The following EPB41L2 variants were observed in gnomAD, a reference collection of about 807,000 sequenced individuals.
The protein encoded by EPB41L2 is band 4.1-like protein 2.
Under a neutral mutation model 113.0 loss-of-function variants are expected in EPB41L2, and 43 were observed. The ratio of observed to expected loss-of-function variants is 0.38; its 90% CI spans 0.30 to 0.49. The LOEUF (loss-of-function observed/expected upper bound fraction) is 0.49, where lower values mean the gene tolerates loss of function less well. EPB41L2 is among the 20% of genes least tolerant of loss of function. EPB41L2 has a pLI of 0.95. For missense variants in EPB41L2, 1,147 were observed against 1,223.4 expected (o/e 0.94, Z 0.93); for synonymous variants, 442 against 436.7 (o/e 1.01, Z -0.15).
chr6:130,898,082 A>T (rs1433650487), intron 8 of EPB41L2, among the ~76,000 whole-genome samples: 1 of 105,860 alleles, frequency 9.4e-6, no homozygotes, highest in East Asian at 2.9e-4. Context: ...AGGCATGTGA[A>T]TTCAACTGCC....
At chr6:131,002,168 T>C (rs192081707) in intron 1 of EPB41L2, among the ~76,000 whole-genome samples, 16 of 152,284 alleles carry the variant, frequency 1.1e-4, no homozygotes, top group Non-Finnish European at 1.9e-4. Flanking sequence ...GACTTGCTTT[T>C]TTTTCAGAGG....
chr6:130,859,387 C>T (rs1257016002), intron 18 of EPB41L2, among the ~76,000 whole-genome samples: 1 of 152,058 alleles, frequency 6.6e-6, no homozygotes, highest in Non-Finnish European at 1.5e-5. Flanking sequence ...TGGCGCACGC[C>T]TGTAATCCCA....
intron 2 of EPB41L2, 25 bp downstream of exon 2, chr6:130,955,969 T>C (rs1284112396): frequency 6.3e-7 from 1 of 1,588,244 alleles, no homozygotes; most frequent in Non-Finnish European, 8.5e-7. Context: ...GGTTTTCATT[T>C]CCAGGCAATT....
At chr6:131,025,761 A>G (rs1233970653) in intron 1 of EPB41L2, among the ~76,000 whole-genome samples, 1 of 152,214 alleles carries the variant, frequency 6.6e-6, no homozygotes, top group Non-Finnish European at 1.5e-5. Flanking sequence ...AAGTATGGAA[A>G]TACCGTACAA....
At chr6:130,936,606 C>T (rs1298886910) in intron 3 of EPB41L2, among the ~76,000 whole-genome samples, 2 of 151,834 alleles carry the variant, frequency 1.3e-5, no homozygotes, top group Admixed American at 6.6e-5. Flanking sequence ...TACAAGAATA[C>T]TAGAAATTTA....
intron 1 of EPB41L2, among the ~76,000 whole-genome samples, chr6:131,037,285 C>T (rs2151069): frequency 0.72 from 109,280 of 152,032 alleles, 39,611 homozygotes; most frequent in East Asian, 0.87. Flanking sequence ...TTTATATAAG[C>T]GGAGAAAACT....
intron 3 of EPB41L2, among the ~76,000 whole-genome samples, chr6:130,950,562 C>T (rs1771271464): frequency 6.6e-6 from 1 of 151,922 alleles, no homozygotes; most frequent in Non-Finnish European, 1.5e-5. Context: ...ACTCTTCTCC[C>T]AAAAAGGCTA....
intron 1 of EPB41L2, among the ~76,000 whole-genome samples, chr6:130,992,148 AATT>A (rs772829138): frequency 1.6e-4 from 25 of 152,200 alleles, no homozygotes; most frequent in African/African-American, 3.6e-4. Context: ...TTTCTTCAGT[AATT>A]ATTAAGAGGG....
At chr6:131,029,148 C>T (rs1791508530) in intron 1 of EPB41L2, among the ~76,000 whole-genome samples, 1 of 152,094 alleles carries the variant, frequency 6.6e-6, no homozygotes, top group African/African-American at 2.4e-5. Flanking sequence ...GGAAAAAAAT[C>T]TTGAATATTT....
At chr6:130,953,713 C>T (rs1816109189) in intron 3 of EPB41L2, among the ~76,000 whole-genome samples, 1 of 151,982 alleles carries the variant, frequency 6.6e-6, no homozygotes, top group Admixed American at 6.6e-5. Context: ...GACTTAATCA[C>T]TCTGCCTTCA....
chr6:130,916,947 C>T (rs544203573), intron 4 of EPB41L2, among the ~76,000 whole-genome samples: 2 of 152,284 alleles, frequency 1.3e-5, no homozygotes, highest in Non-Finnish European at 2.9e-5. Context: ...GGCTTGTCAG[C>T]CTTCACTGAG....
At chr6:131,055,269 C>T (rs1402615988) in intron 1 of EPB41L2, among the ~76,000 whole-genome samples, 1 of 152,142 alleles carries the variant, frequency 6.6e-6, no homozygotes, top group Non-Finnish European at 1.5e-5. Flanking sequence ...GCAAAAAGTG[C>T]AAAACCACAG....
At chr6:130,911,396 C>A (rs977963934) in intron 4 of EPB41L2, among the ~76,000 whole-genome samples, 3 of 151,990 alleles carry the variant, frequency 2.0e-5, no homozygotes, top group African/African-American at 7.3e-5. Context: ...GGAGGGACAG[C>A]ATTAGGAGAA....
intron 4 of EPB41L2, among the ~76,000 whole-genome samples, chr6:130,920,369 A>G (rs1802482139): frequency 6.6e-6 from 1 of 152,214 alleles, no homozygotes; most frequent in African/African-American, 2.4e-5. Context: ...CAAACATTTC[A>G]TCATCATGAA....
intron 4 of EPB41L2, among the ~76,000 whole-genome samples, chr6:130,916,456 T>A (rs1268848752): frequency 6.6e-6 from 1 of 152,218 alleles, no homozygotes. Flanking sequence ...TTATGAATCC[T>A]AATACTGTAT....
rs149144093 is a variant in EPB41L2, at chr6:131,057,517, T to G, written c.-15+5638A>C. Among the ~76,000 whole-genome samples the G allele has an allele frequency of 8.6e-3, 1,311 of 152,276 alleles. 10 individuals carry two copies. The highest frequency in any genetic ancestry group is 0.021 in the South Asian group (103 of 4,826). On this transcript the variant is annotated intron_variant, in intron 1 of 19. Transcript: ENST00000337057. ...CTACTGGGATATGTACATATATCAG[T>G]AGAATGTAGGAAACTCTGAAAAATA...
At chr6:130,961,597 A>C (rs1773550562) in intron 1 of EPB41L2, among the ~76,000 whole-genome samples, 1 of 152,176 alleles carries the variant, frequency 6.6e-6, no homozygotes, top group African/African-American at 2.4e-5. Flanking sequence ...CAACCTCACA[A>C]ACACACAAAC....
At chr6:130,853,912 G>A (rs1582674248) in intron 19 of EPB41L2, among the ~76,000 whole-genome samples, 1 of 152,188 alleles carries the variant, frequency 6.6e-6, no homozygotes, top group African/African-American at 2.4e-5. Context: ...CAGCCAGACA[G>A]TAGCTGAAGC....
Position 130,878,203 on chromosome 6 carries a change from A to G in EPB41L2, c.1944T>C (p.Ile648=). ...CCATAAAATTGCGCTTGAGTTCACT[A>G]ATGCTAGCCTGATGTTTCAGTATGT... ...QEDILKHQAS[I]SELKRNFMES... Residue 648 remains isoleucine, a synonymous_variant, in exon 14 of 20, where the codon ATT becomes ATC. Coordinates refer to ENST00000337057, the MANE Select transcript of EPB41L2 (RefSeq NM_001431.4). 1 of 1,613,492 alleles carries G rather than the reference A, an allele frequency of 6.2e-7. No individual in the cohort carries two copies. Among genetic ancestry groups the G allele is most frequent in the Non-Finnish European group, 8.5e-7 (1 of 1,179,780 alleles).
Sources: allele counts gnomAD v4.1 joint callset (sites outside exome capture counted in the v4.1 genomes callset), GRCh38; gene constraint gnomAD v4.1.1; transcripts MANE v1.5; gene names NCBI Gene and HGNC (gene_info 2026-07-23, HGNC 2026-07-21).